Variants in LINGO2 observed in about 807,000 individuals in gnomAD.
LINGO2 encodes the protein leucine-rich repeat and immunoglobulin-like domain-containing nogo receptor-interacting protein 2.
In LINGO2, 14 loss-of-function variants were observed where a neutral mutation model predicts 30.6. That is an observed-to-expected ratio of 0.46 (90% CI 0.30 to 0.72). LINGO2 has a LOEUF of 0.72. LINGO2 is among the 30% of genes least tolerant of loss of function. The pLI, the probability that LINGO2 is intolerant of heterozygous loss-of-function variation, is 0.07. For synonymous variants in LINGO2, 317 were observed against 288.5 expected (o/e 1.10, Z -1.00); for missense variants, 729 against 751.7 (o/e 0.97, Z 0.35).
At chr9:28,052,512 T>C (rs1824723792) in intron 4 of LINGO2, among the ~76,000 whole-genome samples, 1 of 151,982 alleles carries the variant, frequency 6.6e-6, no homozygotes, top group Non-Finnish European at 1.5e-5. Context: ...GGCCATTTGC[T>C]CAAGCACCAT....
intron 3 of LINGO2, among the ~76,000 whole-genome samples, chr9:28,317,375 C>G (rs1046307385): frequency 1.3e-5 from 2 of 152,096 alleles, no homozygotes; most frequent in African/African-American, 4.8e-5. Flanking sequence ...AAACAAATGT[C>G]TTAAAAAGAC....
intron 1 of LINGO2, among the ~76,000 whole-genome samples, chr9:28,561,736 TG>T (rs1353277382): frequency 6.4e-5 from 1 of 15,692 alleles, no homozygotes; most frequent in African/African-American, 4.3e-4. Flanking sequence ...TATATAATTT[TG>T]TGTGTGTGTG....
chr9:28,152,061 C>T (rs1415140965), intron 4 of LINGO2, among the ~76,000 whole-genome samples: 1 of 152,110 alleles, frequency 6.6e-6, no homozygotes, highest in Non-Finnish European at 1.5e-5. Flanking sequence ...AAGTATAGAA[C>T]TGGCAAAAGA....
chr9:28,082,403 G>A (rs1825796839), intron 4 of LINGO2, among the ~76,000 whole-genome samples: 1 of 152,112 alleles, frequency 6.6e-6, no homozygotes, highest in Non-Finnish European at 1.5e-5. Context: ...TGTTGGTTGT[G>A]TGATTATGGG....
chr9:28,933,698 C>G, the LINGO2 span, among the ~76,000 whole-genome samples: 1 of 152,106 alleles, frequency 6.6e-6, no homozygotes, highest in East Asian at 1.9e-4. Context: ...GCTGCAAAAC[C>G]CACAAATTTG....
the LINGO2 span, among the ~76,000 whole-genome samples, chr9:28,712,541 A>G: frequency 6.6e-6 from 1 of 151,336 alleles, no homozygotes. Flanking sequence ...AAATTACTTA[A>G]ATTATTTGAG....
At chr9:28,105,903 T>G (rs1340751762) in intron 4 of LINGO2, among the ~76,000 whole-genome samples, 1 of 151,984 alleles carries the variant, frequency 6.6e-6, no homozygotes, top group African/African-American at 2.4e-5. Flanking sequence ...ATTTCTCTTG[T>G]TTAAATCAGG....
chr9:28,260,074 G>C (rs1275601799), intron 4 of LINGO2, among the ~76,000 whole-genome samples: 1 of 151,708 alleles, frequency 6.6e-6, no homozygotes. Context: ...GGGCTCATCT[G>C]TACTGAGATG....
intron 5 of LINGO2, among the ~76,000 whole-genome samples, chr9:28,006,758 T>C (rs1822286861): frequency 1.3e-5 from 2 of 152,176 alleles, no homozygotes; most frequent in South Asian, 2.1e-4. Context: ...AGAGGAGTTA[T>C]CTAGCAGATC....
At chr9:28,898,893 A>C in the LINGO2 span, among the ~76,000 whole-genome samples, 3 of 152,008 alleles carry the variant, frequency 2.0e-5, no homozygotes, top group African/African-American at 7.3e-5. Context: ...TATATATAAC[A>C]AATGTGCACA....
intron 1 of LINGO2, among the ~76,000 whole-genome samples, chr9:28,532,979 C>A (rs967410384): frequency 6.6e-6 from 1 of 151,980 alleles, no homozygotes; most frequent in African/African-American, 2.4e-5. Flanking sequence ...TGGTTAATAC[C>A]GAGTGTCAAC....
intron 4 of LINGO2, among the ~76,000 whole-genome samples, chr9:28,229,826 A>G (rs1389186639): frequency 1.3e-5 from 2 of 151,860 alleles, no homozygotes; most frequent in East Asian, 3.8e-4. Flanking sequence ...CTCCTAATAA[A>G]TAATTCACCT....
At position 28,048,329 on chromosome 9, in the gene LINGO2, A is replaced by G. The variant is rs1459303337; in HGVS notation, c.-86-35924T>C. Among the ~76,000 whole-genome samples the G allele has an allele frequency of 1.3e-5, 2 of 150,960 alleles. 1 individual carries two copies. The highest frequency in any genetic ancestry group is 1.3e-4 in the Admixed American group (2 of 15,066). ...AACATTGTAATTAAATTTTTTGTAT[A>G]ACAATAACTAAAATTCAGAAGGAAA... On this transcript the variant is annotated intron_variant, in intron 4 of 5. Transcript: ENST00000379992.
intron 4 of LINGO2, among the ~76,000 whole-genome samples, chr9:28,040,185 CAGAT>C (rs1824133993): frequency 1.3e-5 from 2 of 152,124 alleles, no homozygotes; most frequent in Admixed American, 6.6e-5. Context: ...ATTAGCAAAA[CAGAT>C]TGATTCATTA....
the LINGO2 span, among the ~76,000 whole-genome samples, chr9:28,759,555 G>T: frequency 6.6e-6 from 1 of 151,820 alleles, no homozygotes; most frequent in African/African-American, 2.4e-5. Context: ...GGTGACAGGC[G>T]CCTGCAGTCC....
intron 4 of LINGO2, among the ~76,000 whole-genome samples, chr9:28,258,065 A>G (rs1779237939): frequency 6.6e-6 from 1 of 151,936 alleles, no homozygotes; most frequent in African/African-American, 2.4e-5. Context: ...TGGAAGACCA[A>G]CCTGAGCAGG....
chr9:28,386,713 T>C (rs1821594235), intron 2 of LINGO2, among the ~76,000 whole-genome samples: 1 of 152,174 alleles, frequency 6.6e-6, no homozygotes, highest in Admixed American at 6.5e-5. Context: ...ATTTTAAAAA[T>C]AAACTATTCT....
the LINGO2 span, among the ~76,000 whole-genome samples, chr9:28,834,755 C>G: frequency 6.6e-6 from 1 of 152,078 alleles, no homozygotes; most frequent in African/African-American, 2.4e-5. Flanking sequence ...TGCCATTGAG[C>G]TGACAGAATA....
the LINGO2 span, among the ~76,000 whole-genome samples, chr9:29,007,492 A>G: frequency 6.6e-5 from 10 of 152,072 alleles, no homozygotes; most frequent in Admixed American, 1.3e-4. Context: ...GCACCTACCC[A>G]TATTTCTCAG....
Sources: allele counts gnomAD v4.1 joint callset (sites outside exome capture counted in the v4.1 genomes callset), GRCh38; gene constraint gnomAD v4.1.1; transcripts MANE v1.5; gene names NCBI Gene and HGNC (gene_info 2026-07-23, HGNC 2026-07-21).